The following SORCS1 variants were observed in gnomAD, a reference collection of about 807,000 sequenced individuals.
SORCS1 encodes sortilin related VPS10 domain containing receptor 1, also known as VPS10 domain-containing receptor SorCS1.
SORCS1 carries 60 observed loss-of-function variants against 146.1 expected under a neutral mutation model. That is an observed-to-expected ratio of 0.41 (90% CI 0.33 to 0.51). The LOEUF is 0.51. Ranked by LOEUF, SORCS1 falls within the 20% of genes least tolerant of loss-of-function variation. The pLI is 0.21. For synonymous variants in SORCS1, 637 were observed against 584.0 expected (o/e 1.09, Z -1.31); for missense variants, 1,352 against 1,487.6 (o/e 0.91, Z 1.50).
At chr10:106,600,615 T>C (rs536921014) in intron 23 of SORCS1, 1 of 985,308 alleles carries the variant, frequency 1.0e-6, no homozygotes. Flanking sequence ...GGACATTATA[T>C]ATGCTGTGAA....
chr10:106,851,449 T>C (rs1949568725), intron 2 of SORCS1, among the ~76,000 whole-genome samples: 1 of 152,242 alleles, frequency 6.6e-6, no homozygotes, highest in African/African-American at 2.4e-5. Context: ...TTCAGCACCA[T>C]TTGTTGAAAA....
intron 10 of SORCS1, among the ~76,000 whole-genome samples, chr10:106,680,416 T>G (rs1339024810): frequency 6.6e-6 from 1 of 152,184 alleles, no homozygotes; most frequent in Non-Finnish European, 1.5e-5. Flanking sequence ...TTGGTCTCAG[T>G]TGTATAGAAA....
At chr10:106,906,625 G>C (rs775760487) in intron 2 of SORCS1, among the ~76,000 whole-genome samples, 2 of 152,116 alleles carry the variant, frequency 1.3e-5, no homozygotes, top group Non-Finnish European at 2.9e-5. Context: ...CCCCATGATT[G>C]AATTACCTTC....
intron 1 of SORCS1, among the ~76,000 whole-genome samples, chr10:107,007,968 GATA>G (rs1366760844): frequency 3.3e-5 from 5 of 151,654 alleles, no homozygotes; most frequent in African/African-American, 9.8e-5. Flanking sequence ...CTCCTCCCAT[GATA>G]ATATTATAAA....
chr10:106,602,645 C>T (rs375159605), intron 23 of SORCS1, among the ~76,000 whole-genome samples: 18 of 151,920 alleles, frequency 1.2e-4, no homozygotes, highest in African/African-American at 4.3e-4. Context: ...TATGTGTTTC[C>T]TTTGGATTTC....
Position 106,838,282 on chromosome 10 carries a change from A to C in SORCS1, c.627-8609T>G, listed in dbSNP as rs552933413. Among the ~76,000 whole-genome samples the C allele has an allele frequency of 3.2e-4, 49 of 152,286 alleles. 1 individual carries two copies. In the South Asian group the frequency reaches 9.9e-3, roughly 31 times the overall value. ...TACTTTTTTTAAATTAATAACCTTG[A>C]TTTTTAGAGCAGTTTCAGGTCCACA... is the stretch of plus-strand genomic sequence containing the variant. On this transcript the variant is annotated intron_variant, in intron 2 of 25. Transcript: ENST00000263054.
chr10:106,592,444 G>T (rs1330685368), intron 24 of SORCS1, among the ~76,000 whole-genome samples: 1 of 152,134 alleles, frequency 6.6e-6, no homozygotes, highest in East Asian at 1.9e-4. Context: ...CCAAAATAAG[G>T]CTAGTAAATT....
intron 11 of SORCS1, 130 bp downstream of exon 11, chr10:106,679,502 A>G (rs1361691308): frequency 9.9e-7 from 1 of 1,014,154 alleles, no homozygotes; most frequent in Non-Finnish European, 1.4e-6. Flanking sequence ...TTTCAAAATT[A>G]TTTTTAGCTT....
At chr10:106,974,279 T>C (rs1413199052) in intron 1 of SORCS1, among the ~76,000 whole-genome samples, 1 of 152,172 alleles carries the variant, frequency 6.6e-6, no homozygotes, top group East Asian at 1.9e-4. Context: ...AGTATTATGA[T>C]AGAAGTGTAT....
chr10:106,878,632 A>ATC (rs1950688480), intron 2 of SORCS1, among the ~76,000 whole-genome samples: 1 of 133,924 alleles, frequency 7.5e-6, no homozygotes, highest in Non-Finnish European at 1.6e-5. Flanking sequence ...ATATATATAT[A>ATC]TATATATATA....
At chr10:106,954,758 C>T (rs1954852989) in intron 2 of SORCS1, among the ~76,000 whole-genome samples, 1 of 152,118 alleles carries the variant, frequency 6.6e-6, no homozygotes, top group Non-Finnish European at 1.5e-5. Context: ...TCTCTTTCTA[C>T]CTACGGCCTG....
At chr10:106,788,120 TCAAA>T (rs1946143542) in intron 3 of SORCS1, among the ~76,000 whole-genome samples, 1 of 139,466 alleles carries the variant, frequency 7.2e-6, no homozygotes, top group South Asian at 2.3e-4. Context: ...GATAAATTAA[TCAAA>T]CAGTTATAAA....
chr10:106,682,036 G>A (rs886983167), intron 10 of SORCS1, among the ~76,000 whole-genome samples: 2 of 152,164 alleles, frequency 1.3e-5, no homozygotes, highest in Admixed American at 6.5e-5. Flanking sequence ...GCTGAGGCAG[G>A]AGAATCACTC....
rs534060789 is a variant in SORCS1, at chr10:106,703,534, G to A, written c.1233+3011C>T. On this transcript the variant is annotated intron_variant, in intron 8 of 25. Transcript: ENST00000263054. ...GGGCCACATGCTCTTAATGGCAATG[G>A]CAATATTAAAATCTCCCTACCCACT... is the stretch of plus-strand genomic sequence containing the variant. Among the ~76,000 whole-genome samples the A allele has an allele frequency of 2.9e-3, 437 of 152,264 alleles. 3 individuals are homozygous for A. Among genetic ancestry groups the A allele is most frequent in the Non-Finnish European group, 5.0e-3 (342 of 68,012 alleles).
intron 24 of SORCS1, among the ~76,000 whole-genome samples, chr10:106,580,925 T>G (rs1260427977): frequency 6.6e-6 from 1 of 152,116 alleles, no homozygotes; most frequent in Non-Finnish European, 1.5e-5. Context: ...CCCCCCGCTA[T>G]TTTCTCTCCC....
At chr10:107,071,743 C>T (rs950916480) in intron 1 of SORCS1, among the ~76,000 whole-genome samples, 2 of 152,262 alleles carry the variant, frequency 1.3e-5, no homozygotes, top group East Asian at 1.9e-4. Context: ...GTCCAGTCAG[C>T]GGACAGAAAC....
Position 106,674,189 on chromosome 10 carries a change from C to T in SORCS1, c.1940+860G>A, listed in dbSNP as rs557840809. On this transcript the variant is annotated intron_variant, in intron 14 of 25. Transcript: ENST00000263054. ...AAAAATTATAAAAAAATTACCCGGGCGTGGTGGCAGGCACCTGTAGTCCTA... is the reference window on the plus strand; with the variant it reads ...AAAAATTATAAAAAAATTACCCGGGTGTGGTGGCAGGCACCTGTAGTCCTA... Among the ~76,000 whole-genome samples, 66 of 149,144 alleles carry T rather than the reference C, an allele frequency of 4.4e-4. 1 individual carries two copies. The highest frequency in any genetic ancestry group is 1.6e-3 in the African/African-American group (66 of 40,700).
intron 5 of SORCS1, among the ~76,000 whole-genome samples, chr10:106,749,734 T>C (rs10786969): frequency 0.2 from 31,094 of 152,092 alleles, 3,780 homozygotes; most frequent in East Asian, 0.48. Context: ...CACATTAATA[T>C]CCAACTCTTC....
intron 1 of SORCS1, among the ~76,000 whole-genome samples, chr10:106,978,964 A>G (rs1167114473): frequency 6.6e-6 from 1 of 152,162 alleles, no homozygotes; most frequent in Non-Finnish European, 1.5e-5. Flanking sequence ...AAAACAGGCA[A>G]TGAGCCAGAT....
Sources: gnomAD v4.1 joint callset for allele counts (sites outside exome capture counted in the v4.1 genomes callset) on GRCh38, gnomAD v4.1.1 for gene constraint, MANE v1.5 for transcripts, NCBI Gene and HGNC (gene_info 2026-07-23, HGNC 2026-07-21) for gene names.